DLG1: variants seen among roughly 807,000 people sequenced by gnomAD.
DLG1 encodes the protein discs large MAGUK scaffold protein 1.
In DLG1, 42 loss-of-function variants were observed where a neutral mutation model predicts 123.4. That is an observed-to-expected ratio of 0.34 (90% CI 0.27 to 0.44). The LOEUF (loss-of-function observed/expected upper bound fraction) is 0.44, where lower values mean the gene tolerates loss of function less well. Ranked by LOEUF, DLG1 falls within the 20% of genes least tolerant of loss-of-function variation. The pLI, the probability that DLG1 is intolerant of heterozygous loss-of-function variation, is 1.00. For missense variants in DLG1, 942 were observed against 1,082.6 expected (o/e 0.87, Z 1.82); for synonymous variants, 317 against 356.2 (o/e 0.89, Z 1.24).
At chr3:197,121,307 T>C (rs1225173711) in intron 11 of DLG1, among the ~76,000 whole-genome samples, 1 of 152,078 alleles carries the variant, frequency 6.6e-6, no homozygotes, top group Admixed American at 6.6e-5. Flanking sequence ...CCAAATCTTA[T>C]GTAAAAAGGT....
intron 4 of DLG1, among the ~76,000 whole-genome samples, chr3:197,281,576 G>A (rs146359740): frequency 8.5e-4 from 130 of 152,164 alleles, no homozygotes; most frequent in Non-Finnish European, 1.6e-3. Context: ...GTATGGAAAT[G>A]GAAATTATCC....
At chr3:197,285,056 C>T (rs1473323692) in intron 3 of DLG1, among the ~76,000 whole-genome samples, 3 of 150,360 alleles carry the variant, frequency 2.0e-5, no homozygotes, top group African/African-American at 7.3e-5. Flanking sequence ...AACTGGAAAT[C>T]TCCAAGATCA....
chr3:197,043,668 A>G lies in DLG1; in HGVS notation c.*955T>C, dbSNP rs1721338891. ...GAAAGTTTTATATATATATTTATAT[A>G]TATTTTATTATAACAAAATAGGCAG... On this transcript the variant is annotated 3_prime_UTR_variant, in exon 25 of 25. Coordinates refer to ENST00000667157, the MANE Select transcript of DLG1 (RefSeq NM_001366207.1). The G allele has an allele frequency of 6.6e-6, 1 of 151,092 alleles. No homozygotes were observed. The highest frequency in any genetic ancestry group is 2.1e-4 in the South Asian group (1 of 4,826). The allele number at this position is 151,092 out of a possible 1,614,324, so 9.4% of individuals were successfully genotyped here.
chr3:197,243,021 T>G (rs962753871), intron 4 of DLG1, among the ~76,000 whole-genome samples: 1 of 152,042 alleles, frequency 6.6e-6, no homozygotes, highest in African/African-American at 2.4e-5. Context: ...ACAAAAGACT[T>G]CTCAGCAAGG....
chr3:197,276,096 C>A (rs403820), intron 4 of DLG1, among the ~76,000 whole-genome samples: 114,913 of 152,088 alleles, frequency 0.76, 43,526 homozygotes, highest in East Asian at 0.82. Flanking sequence ...TTTTCACACA[C>A]AGTCATACTA....
intron 4 of DLG1, among the ~76,000 whole-genome samples, chr3:197,195,576 G>A (rs558182247): frequency 6.6e-6 from 1 of 152,258 alleles, no homozygotes; most frequent in South Asian, 2.1e-4. Flanking sequence ...TGTCCTCTGT[G>A]GCAACATGGA....
intron 18 of DLG1, chr3:197,070,565 A>ACTTCTTTTTTTTTTTTTTTTTTTT (rs535594183): frequency 1.3e-5 from 1 of 76,190 alleles, no homozygotes; most frequent in African/African-American, 4.7e-5. Flanking sequence ...TGGAAATTTC[A>ACTTCTTTTTTTTTTTTTTTTTTTT]TTTTTTTTTT....
chr3:197,072,687 A>C (rs539458871), intron 18 of DLG1, among the ~76,000 whole-genome samples: 1,880 of 151,580 alleles, frequency 0.012, 33 homozygotes, highest in African/African-American at 0.039. Flanking sequence ...TCTTAAAAAA[A>C]AAAAAAACAA....
chr3:197,078,324 A>G (rs867912652), intron 17 of DLG1: 14 of 73,880 alleles, frequency 1.9e-4, no homozygotes, highest in African/African-American at 5.6e-4. Context: ...CTTTAAATTA[A>G]AAAAAAAAAA....
intron 7 of DLG1, among the ~76,000 whole-genome samples, chr3:197,141,563 C>T (rs1418282751): frequency 6.6e-6 from 1 of 151,994 alleles, no homozygotes; most frequent in Non-Finnish European, 1.5e-5. Flanking sequence ...AGATTCTATT[C>T]CAATATAAAT....
chr3:197,258,434 G>A (rs1383042844), intron 4 of DLG1, among the ~76,000 whole-genome samples: 1 of 135,102 alleles, frequency 7.4e-6, no homozygotes, highest in Non-Finnish European at 1.6e-5. Context: ...ATGGGGGGGC[G>A]GGGGGGAACA....
At chr3:197,287,491 T>C (rs530832177) in intron 3 of DLG1, among the ~76,000 whole-genome samples, 1 of 152,058 alleles carries the variant, frequency 6.6e-6, no homozygotes, top group Non-Finnish European at 1.5e-5. Flanking sequence ...TAAAGAAAAA[T>C]ATTGATAAAC....
At chr3:197,047,463 G>A (rs1163465675) in intron 24 of DLG1, among the ~76,000 whole-genome samples, 1 of 152,164 alleles carries the variant, frequency 6.6e-6, no homozygotes, top group Non-Finnish European at 1.5e-5. Flanking sequence ...CTGATACTCA[G>A]TGTGAATGTC....
intron 2 of DLG1, chr3:197,296,890 G>A: frequency 2.4e-6 from 1 of 417,812 alleles, no homozygotes. Context: ...ACAGAATAGT[G>A]CTTAGTAAGA....
In DLG1 at chr3:197,130,789, C is replaced by T. The variant is rs774559130; in HGVS notation, c.1021-118G>A. On this transcript the variant is annotated intron_variant, in intron 10 of 24. Coordinates refer to ENST00000667157, the MANE Select transcript of DLG1 (RefSeq NM_001366207.1). The stretch of plus-strand genomic sequence containing the variant: ...TGGTTTAAGGAAAATAAAGGTATGC[C>T]GAAAGAAAATACCCATGTTTGATGT... 6 of 756,992 alleles carry T rather than the reference C, an allele frequency of 7.9e-6. 1 individual carries two copies. Among genetic ancestry groups the T allele is most frequent in the East Asian group, 5.5e-5 (2 of 36,110 alleles). 46.9% of individuals were successfully genotyped at this position (756,992 alleles called of 1,614,324 possible). A position where few individuals can be genotyped will look rare whatever the true frequency, so the allele number is the denominator to read the frequency against.
intron 4 of DLG1, among the ~76,000 whole-genome samples, chr3:197,221,364 C>CA (rs374688010): frequency 7.2e-5 from 11 of 151,810 alleles, no homozygotes; most frequent in African/African-American, 1.2e-4. Flanking sequence ...ACTAAACATA[C>CA]AAAAAATGAG....
At chr3:197,151,487 G>T (rs1291631262) in intron 5 of DLG1, among the ~76,000 whole-genome samples, 1 of 152,140 alleles carries the variant, frequency 6.6e-6, no homozygotes, top group Non-Finnish European at 1.5e-5. Context: ...GATATAAGGT[G>T]TTATATTTAC....
intron 5 of DLG1, among the ~76,000 whole-genome samples, chr3:197,187,265 T>C (rs1716648359): frequency 6.6e-6 from 1 of 152,138 alleles, no homozygotes; most frequent in African/African-American, 2.4e-5. Context: ...GATGTAAAGA[T>C]AAAGTTGATT....
intron 24 of DLG1, among the ~76,000 whole-genome samples, chr3:197,045,708 G>A (rs554140120): frequency 3.9e-5 from 6 of 152,136 alleles, no homozygotes; most frequent in Non-Finnish European, 7.3e-5. Flanking sequence ...CGTACCATTG[G>A]ATTGTACCAT....
Sources: allele counts gnomAD v4.1 joint callset (sites outside exome capture counted in the v4.1 genomes callset), GRCh38; gene constraint gnomAD v4.1.1; transcripts MANE v1.5; gene names NCBI Gene and HGNC (gene_info 2026-07-23, HGNC 2026-07-21).